CPPED1: variants seen among roughly 807,000 people sequenced by gnomAD.
CPPED1 encodes serine/threonine-protein phosphatase CPPED1.
CPPED1 carries 28 observed loss-of-function variants against 28.0 expected under a neutral mutation model. That is an observed-to-expected ratio of 1.00 (90% CI 0.74 to 1.37). The LOEUF is 1.37. Ranked by LOEUF, CPPED1 falls within the 40% of genes most tolerant of loss-of-function variation. The pLI is 0.00. For missense variants in CPPED1, 504 were observed against 416.5 expected (o/e 1.21, Z -1.83); for synonymous variants, 198 against 180.2 (o/e 1.10, Z -0.79).
intron 2 of CPPED1, among the ~76,000 whole-genome samples, chr16:12,722,308 A>G (rs2080145610): frequency 6.6e-6 from 1 of 152,218 alleles, no homozygotes; most frequent in Non-Finnish European, 1.5e-5. Context: ...TATCGCCCTC[A>G]GGTAAGTAGA....
At chr16:12,705,159 C>T (rs1198569939) in intron 2 of CPPED1, 110 bp from the exon 3 acceptor site, 4 of 1,185,046 alleles carry the variant, frequency 3.4e-6, no homozygotes, top group Non-Finnish European at 4.6e-6. Context: ...TCTGGAAATC[C>T]ACTCCACCTA....
rs1421116013 is a variant in CPPED1, at chr16:12,704,841, C to G, written c.498G>C (p.Gln166His). 3 of 1,614,216 alleles carry G rather than the reference C, an allele frequency of 1.9e-6. No homozygotes were observed. The highest frequency in any genetic ancestry group is 1.7e-5 in the Admixed American group (1 of 60,018). ...GGCATTTGGAGGGGTTCTCGTAGAA[C>G]TGGGAGTTGAGGACCAGGAACAGGA... ...GGVLFLVLNS[Q>H]FYENPSKCPS... The change falls in exon 3 of 4, where the codon CAG (glutamine) becomes CAC (histidine). Residue 166 changes from glutamine to histidine, a missense_variant. Transcript: ENST00000381774.
intron 3 of CPPED1, among the ~76,000 whole-genome samples, chr16:12,668,433 C>A (rs1596437717): frequency 6.6e-6 from 1 of 151,914 alleles, no homozygotes; most frequent in East Asian, 1.9e-4. Context: ...TGATACTTTG[C>A]AAGAAAAAAA....
At chr16:12,689,377 C>T (rs899342842) in intron 3 of CPPED1, among the ~76,000 whole-genome samples, 17 of 119,170 alleles carry the variant, frequency 1.4e-4, no homozygotes, top group South Asian at 6.1e-4. Flanking sequence ...CAGGTGCACA[C>T]CACCATGCCT....
intron 2 of CPPED1, among the ~76,000 whole-genome samples, chr16:12,762,628 A>T (rs986768167): frequency 4.6e-5 from 7 of 151,984 alleles, no homozygotes; most frequent in African/African-American, 7.3e-5. Flanking sequence ...AATATCCAGA[A>T]TAGGCAAATC....
At chr16:12,769,016 C>G (rs1267365787) in intron 2 of CPPED1, among the ~76,000 whole-genome samples, 1 of 152,028 alleles carries the variant, frequency 6.6e-6, no homozygotes, top group Non-Finnish European at 1.5e-5. Flanking sequence ...CAGGCACATG[C>G]CCCCACACCT....
At chr16:12,684,968 C>A (rs2079925131) in intron 3 of CPPED1, among the ~76,000 whole-genome samples, 1 of 152,164 alleles carries the variant, frequency 6.6e-6, no homozygotes, top group African/African-American at 2.4e-5. Flanking sequence ...AGGGAGAGTT[C>A]CCGTATTTCC....
In CPPED1 at chr16:12,664,669, T is replaced by C; in HGVS notation, c.*217A>G. 7.2e-7 allele frequency: 1 copy of C among 1,386,778 alleles called. No individual in the cohort carries two copies. Among genetic ancestry groups the C allele is most frequent in the Non-Finnish European group, 9.3e-7 (1 of 1,080,260 alleles). The allele number at this position is 1,386,778 out of a possible 1,614,324, so 85.9% of individuals were successfully genotyped here. ...GATAGTCTAATATTTTAAAAACTGA[T>C]TTCCAGGATCATTCGCTCCATTTTA... On this transcript the variant is annotated 3_prime_UTR_variant, in exon 4 of 4. Transcript: ENST00000381774. The surrounding 1 kb of genome is among the most constrained non-coding windows in gnomAD (Gnocchi z 4.2).
intron 2 of CPPED1, among the ~76,000 whole-genome samples, chr16:12,760,064 T>C (rs996897203): frequency 3.3e-5 from 5 of 152,236 alleles, no homozygotes; most frequent in East Asian, 1.9e-4. Flanking sequence ...CAACTGCTGA[T>C]TGAAAATATT....
At chr16:12,694,051 C>G (rs536615055) in intron 3 of CPPED1, among the ~76,000 whole-genome samples, 1 of 152,176 alleles carries the variant, frequency 6.6e-6, no homozygotes, top group South Asian at 2.1e-4. Flanking sequence ...TCTAAAAATA[C>G]AAAAATTAGC....
intron 1 of CPPED1, among the ~76,000 whole-genome samples, chr16:12,796,295 A>C (rs527522173): frequency 1.9e-4 from 29 of 152,052 alleles, no homozygotes; most frequent in African/African-American, 7.0e-4. Context: ...GGAGTTCCAG[A>C]CCAGCCTGGC....
chr16:12,801,578 C>T (rs1009290667), intron 1 of CPPED1, among the ~76,000 whole-genome samples: 1 of 152,034 alleles, frequency 6.6e-6, no homozygotes, highest in African/African-American at 2.4e-5. Context: ...TGATTATACC[C>T]TATAACCCAG....
At chr16:12,704,391 C>G (rs1008179037) in intron 3 of CPPED1, among the ~76,000 whole-genome samples, 1 of 152,168 alleles carries the variant, frequency 6.6e-6, no homozygotes, top group African/African-American at 2.4e-5. Context: ...ATCCTTGACA[C>G]CATCCTGCAA....
At chr16:12,681,564 T>C (rs2141172373) in intron 3 of CPPED1, among the ~76,000 whole-genome samples, 1 of 152,308 alleles carries the variant, frequency 6.6e-6, no homozygotes, top group Non-Finnish European at 1.5e-5. Context: ...AAAAATTATA[T>C]TCTTCCCTTT....
intron 2 of CPPED1, among the ~76,000 whole-genome samples, chr16:12,766,147 C>G (rs1237981600): frequency 6.6e-6 from 1 of 151,462 alleles, no homozygotes; most frequent in Non-Finnish European, 1.5e-5. Context: ...CAGAAAACCC[C>G]AAAGGGAGGC....
intron 3 of CPPED1, among the ~76,000 whole-genome samples, chr16:12,669,026 G>A (rs1020344657): frequency 6.6e-6 from 1 of 152,182 alleles, no homozygotes; most frequent in Non-Finnish European, 1.5e-5. Context: ...AAACTTGTAG[G>A]TGAGTGTTCC....
At chr16:12,794,326 C>T (rs2080613903) in intron 1 of CPPED1, among the ~76,000 whole-genome samples, 1 of 151,828 alleles carries the variant, frequency 6.6e-6, no homozygotes, top group African/African-American at 2.4e-5. Flanking sequence ...TACACATTTA[C>T]ACTGTTGAAT....
At chr16:12,765,659 TA>T (rs966583107) in intron 2 of CPPED1, among the ~76,000 whole-genome samples, 94 of 152,326 alleles carry the variant, frequency 6.2e-4, no homozygotes, top group African/African-American at 2.0e-3. Flanking sequence ...AAGGGAATGG[TA>T]AATTTTTTCT....
At chr16:12,688,791 G>A (rs1029460457) in intron 3 of CPPED1, among the ~76,000 whole-genome samples, 4 of 152,194 alleles carry the variant, frequency 2.6e-5, no homozygotes, top group African/African-American at 9.7e-5. Flanking sequence ...CAGAGAACAT[G>A]TGCTGTCAAA....
Sources: gnomAD v4.1 joint callset for allele counts (sites outside exome capture counted in the v4.1 genomes callset) on GRCh38, gnomAD v4.1.1 for gene constraint, Gnocchi (gnomAD v3.1) non-coding constraint, MANE v1.5 for transcripts, NCBI Gene and HGNC (gene_info 2026-07-23, HGNC 2026-07-21) for gene names.